Variants in CDC42BPB observed in about 807,000 individuals in gnomAD.
The protein encoded by CDC42BPB is CDC42 binding protein kinase beta.
CDC42BPB carries 37 observed loss-of-function variants against 214.9 expected under a neutral mutation model. That is an observed-to-expected ratio of 0.17 (90% confidence interval 0.13 to 0.23). The LOEUF (loss-of-function observed/expected upper bound fraction) is 0.23. Among genes scored for constraint, CDC42BPB ranks in the 10% least tolerant of loss-of-function variants. The probability of loss-of-function intolerance (pLI) is 1.00; values close to 1 mark genes in which losing one functional copy is unlikely to be tolerated. For synonymous variants in CDC42BPB, 931 were observed against 884.0 expected (o/e 1.05, Z -0.94); for missense variants, 1,694 against 2,227.0 (o/e 0.76, Z 4.82).
At chr14:102,945,136 A>G in intron 29 of CDC42BPB, 2 of 417,888 alleles carry the variant, frequency 4.8e-6, no homozygotes, top group Non-Finnish European at 9.8e-6. Context: ...CATCACATGC[A>G]GAGATGCTGG....
chr14:102,960,956 C>T (rs959038226), intron 20 of CDC42BPB, among the ~76,000 whole-genome samples: 6 of 151,916 alleles, frequency 3.9e-5, no homozygotes, highest in Admixed American at 3.9e-4. Flanking sequence ...TCCAGGAGTT[C>T]AAGACCAGCC....
At chr14:102,946,247 C>T (rs533970017) in intron 28 of CDC42BPB, among the ~76,000 whole-genome samples, 6 of 152,186 alleles carry the variant, frequency 3.9e-5, no homozygotes, top group East Asian at 1.9e-4. Flanking sequence ...ATGGTCTCAA[C>T]CTCCTGACCT....
chr14:103,007,344 C>T (rs746070711), intron 3 of CDC42BPB, among the ~76,000 whole-genome samples: 1 of 152,166 alleles, frequency 6.6e-6, no homozygotes, highest in Non-Finnish European at 1.5e-5. Context: ...GAACCGATAA[C>T]ACCCACCAAG....
chr14:102,965,259 A>ACTGGACC (rs1784775671), intron 18 of CDC42BPB, among the ~76,000 whole-genome samples: 1 of 152,078 alleles, frequency 6.6e-6, no homozygotes, highest in African/African-American at 2.4e-5. Flanking sequence ...ATATGGGTCC[A>ACTGGACC]CTGGACCCTG....
At chr14:102,979,326 C>T (rs1443901195) in intron 8 of CDC42BPB, among the ~76,000 whole-genome samples, 1 of 151,820 alleles carries the variant, frequency 6.6e-6, no homozygotes, top group African/African-American at 2.4e-5. Context: ...GATTCTCCTG[C>T]CTCAGCCTCC....
At position 102,940,340 on chromosome 14, in the gene CDC42BPB, C is replaced by G. The variant is rs751171668; in HGVS notation, c.4409-16G>C. 6.4e-7 allele frequency: 1 copy of G among 1,556,556 alleles called. No individual in the cohort carries two copies. The highest frequency in any genetic ancestry group is 8.7e-7 in the Non-Finnish European group (1 of 1,150,320). On this transcript the variant is annotated splice_polypyrimidine_tract_variant and intron_variant, in intron 30 of 36. Coordinates refer to ENST00000361246, the MANE Select transcript of CDC42BPB (RefSeq NM_006035.4). ...GGGCTGCAACCTAGCGCAGACGGAG[C>G]AGGGCGGGGTGAGCCACAGTGGCTC... is the stretch of plus-strand genomic sequence containing the variant.
chr14:102,983,356 T>G (rs1271905803), intron 7 of CDC42BPB, among the ~76,000 whole-genome samples, 200 bp downstream of exon 7: 1 of 151,812 alleles, frequency 6.6e-6, no homozygotes, highest in South Asian at 2.1e-4. Context: ...GGCGCCCACA[T>G]CTCCTGGTGC....
chr14:102,946,343 A>G, intron 28 of CDC42BPB, 125 bp downstream of exon 28: 1 of 1,047,160 alleles, frequency 9.5e-7, no homozygotes, highest in Non-Finnish European at 1.4e-6. Flanking sequence ...CTTAACATGC[A>G]TGGAGAAACT....
intron 1 of CDC42BPB, among the ~76,000 whole-genome samples, chr14:103,012,564 C>T (rs777445423): frequency 7.2e-5 from 11 of 152,046 alleles, no homozygotes; most frequent in East Asian, 1.9e-4. Flanking sequence ...CAGCACCTTA[C>T]GAGGCTGAGG....
At chr14:102,974,172 T>G (rs1893625076) in intron 11 of CDC42BPB, 23 bp from the exon 12 acceptor site, 1 of 1,611,566 alleles carries the variant, frequency 6.2e-7, no homozygotes, top group Admixed American at 1.7e-5. Flanking sequence ...GGAAATAAAC[T>G]CTGTTCCTTT....
At chr14:102,973,588 G>C (rs567943476) in intron 12 of CDC42BPB, among the ~76,000 whole-genome samples, 13 of 151,970 alleles carry the variant, frequency 8.6e-5, no homozygotes, top group African/African-American at 3.1e-4. Context: ...GGGACGCAGC[G>C]TGTGTTGCCA....
chr14:103,051,067 C>A (rs988298411), intron 1 of CDC42BPB, among the ~76,000 whole-genome samples: 6 of 143,212 alleles, frequency 4.2e-5, no homozygotes, highest in African/African-American at 1.5e-4. Flanking sequence ...ATAAAACTAA[C>A]CAAAAACCTA....
At position 102,950,532 on chromosome 14, in the gene CDC42BPB, C is replaced by T. The variant is rs1174415272; in HGVS notation, c.3243G>A (p.Gln1081=). 6.2e-7 allele frequency: 1 copy of T among 1,612,994 alleles called. No individual in the cohort carries two copies. Among genetic ancestry groups the T allele is most frequent in the Admixed American group, 1.7e-5 (1 of 59,944 alleles). The change falls in exon 25 of 37, where the codon CAG becomes CAA. Residue 1081 remains glutamine (Q), a synonymous_variant. Transcript: ENST00000361246. ...APQVCPIPPE[Q]SKRPLGVDVQ... ...CGTCCACGCCCAGAGGCCTCTTGGA[C>T]TGCTCGGGAGGTATTGGGCACACCT... is the stretch of plus-strand genomic sequence containing the variant.
At chr14:103,017,451 C>T (rs575191480) in intron 1 of CDC42BPB, among the ~76,000 whole-genome samples, 14 of 152,064 alleles carry the variant, frequency 9.2e-5, no homozygotes, top group Non-Finnish European at 1.9e-4. Flanking sequence ...CTATCAATTA[C>T]GCAGGGAAAA....
chr14:103,048,532 C>CAAAAAAA lies in CDC42BPB; in HGVS notation c.175+8460_175+8466dup, dbSNP rs71119751. On this transcript the variant is annotated intron_variant, in intron 1 of 36. Coordinates refer to ENST00000361246, the MANE Select transcript of CDC42BPB (RefSeq NM_006035.4). ...TGAAACCCTGTTTCTACTAAAAATA[C>CAAAAAAA]AAAAAAAAAAAAAAAAAAAAAAAAA... Among the ~76,000 whole-genome samples the CAAAAAAA allele has an allele frequency of 7.7e-3, 328 of 42,646 alleles. 19 individuals carry two copies. The highest frequency in any genetic ancestry group is 0.021 in the Middle Eastern group (1 of 48). The allele number at this position is 42,646 out of a possible 152,430, so 28.0% of individuals were successfully genotyped here. A position where few individuals can be genotyped will look rare whatever the true frequency, so the allele number is the denominator to read the frequency against.
In CDC42BPB at chr14:102,943,297, C is replaced by T. The variant is rs1448357415; in HGVS notation, c.4408+594G>A. 2.6e-5 allele frequency among the ~76,000 whole-genome samples: 4 copies of T among 152,198 alleles called. No individual in the cohort carries two copies. Among genetic ancestry groups the T allele is most frequent in the East Asian group, 1.9e-4 (1 of 5,192 alleles). On this transcript the variant is annotated intron_variant, in intron 30 of 36. Transcript: ENST00000361246. The surrounding 1 kb of genome is among the most constrained non-coding windows in gnomAD (Gnocchi z 4.6). The stretch of plus-strand genomic sequence containing the variant: ...CCCGGTTTAAGGTTTTAAAAGCAAT[C>T]GGACAGCGGGCCAGTCGGGAAGTGT...
At chr14:102,994,747 C>A (rs1345895653) in intron 5 of CDC42BPB, among the ~76,000 whole-genome samples, 2 of 152,228 alleles carry the variant, frequency 1.3e-5, no homozygotes, top group African/African-American at 4.8e-5. Context: ...TGTCTCCCTT[C>A]CAGCTCTTCC....
At chr14:103,045,266 G>A (rs1305419353) in intron 1 of CDC42BPB, among the ~76,000 whole-genome samples, 1 of 152,062 alleles carries the variant, frequency 6.6e-6, no homozygotes, top group Non-Finnish European at 1.5e-5. Context: ...AATGATGAGG[G>A]GCAAGAATAT....
chr14:102,992,736 TATAC>T (rs1894549471), intron 5 of CDC42BPB, among the ~76,000 whole-genome samples: 1 of 150,520 alleles, frequency 6.6e-6, no homozygotes, highest in African/African-American at 2.4e-5. Context: ...ATCTGCTGAA[TATAC>T]ATATATTCAA....
Sources: allele counts gnomAD v4.1 joint callset (sites outside exome capture counted in the v4.1 genomes callset), GRCh38; gene constraint gnomAD v4.1.1; non-coding constraint Gnocchi (gnomAD v3.1); transcripts MANE v1.5; gene names NCBI Gene and HGNC (gene_info 2026-07-23, HGNC 2026-07-21).